PCMTD1: variants seen among roughly 807,000 people sequenced by gnomAD.
PCMTD1 encodes the protein protein-L-isoaspartate O-methyltransferase domain-containing protein 1.
PCMTD1 carries 12 observed loss-of-function variants against 37.6 expected under a neutral mutation model. The observed-to-expected ratio is 0.32, with a 90% CI of 0.20 to 0.52. The LOEUF (loss-of-function observed/expected upper bound fraction) is 0.52, where lower values mean the gene tolerates loss of function less well. Ranked by LOEUF, PCMTD1 falls within the 20% of genes least tolerant of loss-of-function variation. The pLI is 0.97. For synonymous variants in PCMTD1, 117 were observed against 135.8 expected, an observed-to-expected ratio of 0.86 and a Z score of 0.96; for missense variants, 235 against 421.3, an observed-to-expected ratio of 0.56 and a Z score of 3.87.
rs77888396 is a variant in PCMTD1 at position 51,818,650 on chromosome 8, T to C, written c.*1701A>G. ...CAGTTTAGTAATCGTCTAAGAATAA[T>C]TGTAGAAATAACCCCAATTCCACCA... On this transcript the variant is annotated 3_prime_UTR_variant, in exon 6 of 6. Transcript: ENST00000522514. The C allele has an allele frequency of 1.3e-5, 2 of 152,336 alleles. No homozygotes were observed. Among genetic ancestry groups the C allele is most frequent in the Admixed American group, 6.5e-5 (1 of 15,292 alleles). 9.4% of individuals were successfully genotyped at this position (152,336 alleles called of 1,614,324 possible).
intron 1 of PCMTD1, among the ~76,000 whole-genome samples, chr8:51,882,692 T>C (rs2038807512): frequency 6.6e-6 from 1 of 151,872 alleles, no homozygotes; most frequent in Non-Finnish European, 1.5e-5. Context: ...AGAAGACATA[T>C]ATCTATGTAC....
At chr8:51,833,203 A>G (rs1329211978) in intron 4 of PCMTD1, among the ~76,000 whole-genome samples, 19 of 152,168 alleles carry the variant, frequency 1.2e-4, no homozygotes, top group Admixed American at 1.1e-3. Context: ...AGCAACTAGT[A>G]GAGATCATCA....
intron 1 of PCMTD1, among the ~76,000 whole-genome samples, chr8:51,869,104 A>G (rs1260452569): frequency 6.6e-6 from 1 of 152,196 alleles, no homozygotes; most frequent in Admixed American, 6.5e-5. Context: ...AATATAATCA[A>G]TATTAGAATT....
intron 3 of PCMTD1, 61 bp downstream of exon 3, chr8:51,845,600 A>C (rs555135611): frequency 8.6e-7 from 1 of 1,159,530 alleles, no homozygotes; most frequent in East Asian, 2.4e-5. Flanking sequence ...GTTCAAGAAT[A>C]GACATGTTGC....
intron 1 of PCMTD1, among the ~76,000 whole-genome samples, chr8:51,871,728 A>G (rs1248690419): frequency 6.6e-6 from 1 of 152,222 alleles, no homozygotes; most frequent in African/African-American, 2.4e-5. Context: ...CTAAGTGTAA[A>G]AACACATGAA....
chr8:51,867,926 A>G (rs1421022801), intron 1 of PCMTD1, among the ~76,000 whole-genome samples: 1 of 152,128 alleles, frequency 6.6e-6, no homozygotes, highest in African/African-American at 2.4e-5. Context: ...ATAAATCACA[A>G]TGCACTGTGT....
At chr8:51,870,886 G>A (rs549819972) in intron 1 of PCMTD1, among the ~76,000 whole-genome samples, 8 of 152,226 alleles carry the variant, frequency 5.3e-5, no homozygotes, top group East Asian at 1.9e-4. Flanking sequence ...GGGGCGGGCC[G>A]GGGTGAGCAT....
chr8:51,891,464 T>C (rs1203592257), intron 1 of PCMTD1, among the ~76,000 whole-genome samples: 3 of 151,674 alleles, frequency 2.0e-5, no homozygotes, highest in South Asian at 2.1e-4. Context: ...GAGGTTGAGG[T>C]TGGATTGCTC....
intron 3 of PCMTD1, chr8:51,839,567 TAGG>T (rs1163601919): frequency 1.0e-6 from 1 of 985,326 alleles, no homozygotes; most frequent in East Asian, 1.1e-4. Flanking sequence ...GATAAGCTGC[TAGG>T]AGATCAGGGT....
At chr8:51,827,418 G>A (rs1327749525) in intron 5 of PCMTD1, 7 of 533,016 alleles carry the variant, frequency 1.3e-5, no homozygotes, top group Non-Finnish European at 2.0e-5. Flanking sequence ...TTTAAATTGT[G>A]AGCTGTTCTG....
intron 5 of PCMTD1, among the ~76,000 whole-genome samples, chr8:51,823,958 T>C (rs1278863136): frequency 6.6e-6 from 1 of 152,104 alleles, no homozygotes; most frequent in Non-Finnish European, 1.5e-5. Context: ...TATGACTATC[T>C]CAACAGATGC....
chr8:51,856,529 T>A (rs996152818), intron 2 of PCMTD1, among the ~76,000 whole-genome samples: 18 of 152,210 alleles, frequency 1.2e-4, no homozygotes, highest in African/African-American at 4.3e-4. Context: ...AATGAAAATG[T>A]ATATCCACAC....
At chr8:51,897,143 T>G (rs1272491203) in intron 1 of PCMTD1, among the ~76,000 whole-genome samples, 2 of 152,338 alleles carry the variant, frequency 1.3e-5, no homozygotes, top group East Asian at 3.9e-4. Flanking sequence ...ATTATCTTCC[T>G]CAGTTGTTCT....
rs35705942 is a variant in PCMTD1, at chr8:51,820,230, AT to A, written c.*120del. ...TTTGTGTTACTGACAGAAACAAGTG[AT>A]TTTTTTTCCACTATAATTTGCTCTG... is the stretch of plus-strand genomic sequence containing the variant. On this transcript the variant is annotated 3_prime_UTR_variant, in exon 6 of 6. Coordinates refer to ENST00000522514, the MANE Select transcript of PCMTD1 (RefSeq NM_052937.4). 5 of 784,408 alleles carry A rather than the reference AT, an allele frequency of 6.4e-6. No individual in the cohort carries two copies. In the East Asian group the frequency reaches 1.6e-4, roughly 25 times the overall value. 48.6% of individuals were successfully genotyped at this position (784,408 alleles called of 1,614,324 possible). A position where few individuals can be genotyped will look rare whatever the true frequency, so the allele number is the denominator to read the frequency against.
At position 51,887,836 on chromosome 8, in the gene PCMTD1, G is replaced by A. The variant is rs371157895; in HGVS notation, c.-96+11094C>T. 4.6e-5 allele frequency among the ~76,000 whole-genome samples: 7 copies of A among 151,174 alleles called. No individual in the cohort carries two copies. In the East Asian group the frequency reaches 1.2e-3, roughly 25 times the overall value. On this transcript the variant is annotated intron_variant, in intron 1 of 5. Transcript: ENST00000522514. ...AGCTCACTGCAACCTCTGCCTCCCGGGTTCAAGCGATTCTCCTGCCTCAGC... is the reference window on the plus strand; with the variant it reads ...AGCTCACTGCAACCTCTGCCTCCCGAGTTCAAGCGATTCTCCTGCCTCAGC...
intron 5 of PCMTD1, among the ~76,000 whole-genome samples, chr8:51,830,431 T>A (rs776669501): frequency 6.6e-6 from 1 of 152,210 alleles, no homozygotes; most frequent in African/African-American, 2.4e-5. Flanking sequence ...CCACTTCCAG[T>A]CTTCCTGGCA....
At chr8:51,856,638 G>A (rs1480704345) in intron 2 of PCMTD1, among the ~76,000 whole-genome samples, 1 of 152,180 alleles carries the variant, frequency 6.6e-6, no homozygotes, top group African/African-American at 2.4e-5. Context: ...ACAAAACGTA[G>A]TGTATATCTA....
intron 5 of PCMTD1, among the ~76,000 whole-genome samples, chr8:51,830,774 A>T (rs2037986713): frequency 6.6e-6 from 1 of 152,188 alleles, no homozygotes; most frequent in Non-Finnish European, 1.5e-5. Context: ...TTGATGTGGC[A>T]AGTTCTTTTA....
chr8:51,855,613 A>T (rs2038375182), intron 2 of PCMTD1, among the ~76,000 whole-genome samples: 1 of 151,954 alleles, frequency 6.6e-6, no homozygotes, highest in Non-Finnish European at 1.5e-5. Flanking sequence ...GTTCTGTTTG[A>T]TGCATAAAAC....
Sources: allele counts gnomAD v4.1 joint callset (sites outside exome capture counted in the v4.1 genomes callset), GRCh38; gene constraint gnomAD v4.1.1; transcripts MANE v1.5; gene names NCBI Gene and HGNC (gene_info 2026-07-23, HGNC 2026-07-21).